Variants in CNN3 observed in about 807,000 individuals in gnomAD.
CNN3 encodes the protein calponin 3, also known as calponin-3.
Under a neutral mutation model 39.0 loss-of-function variants are expected in CNN3, and 11 were observed. The observed-to-expected ratio is 0.28, with a 90% CI of 0.18 to 0.47. The LOEUF is 0.47. CNN3 is among the 20% of genes least tolerant of loss of function. CNN3 has a pLI of 0.99. For synonymous variants in CNN3, 101 were observed against 138.3 expected, an observed-to-expected ratio of 0.73 and a Z score of 1.89; for missense variants, 266 against 403.4, an observed-to-expected ratio of 0.66 and a Z score of 2.92.
In CNN3 at chr1:94,899,353, T is replaced by TA. The variant is rs758953872; in HGVS notation, c.648+17dup. The TA allele has an allele frequency of 4.3e-6, 7 of 1,611,276 alleles. No homozygotes were observed. The African/African-American group carries it at 9.4e-5, about 22-fold the overall frequency. On this transcript the variant is annotated intron_variant, in intron 6 of 6. Coordinates refer to ENST00000370206, the MANE Select transcript of CNN3 (RefSeq NM_001839.5). Reference sequence around the variant, plus strand: ...AGGTAAGTGTACTCTTGTACACGTATAAAAAGGTATTGCTTACCTGGCTGG... The same window carrying TA: ...AGGTAAGTGTACTCTTGTACACGTATAAAAAAGGTATTGCTTACCTGGCTGG...
rs1671606292 is a variant in CNN3 at position 94,927,008 on chromosome 1, TCTGGGAGGCG to T, written c.-124_-115del. On this transcript the variant is annotated 5_prime_UTR_variant, in exon 1 of 7. Coordinates refer to ENST00000370206, the MANE Select transcript of CNN3 (RefSeq NM_001839.5). ...CGCGGGGGATGCTCGAACTCCCTCC[TCTGGGAGGCG>T]CAGGAGACGGCCGCGGGGCGCGGGC... 1 of 1,193,824 alleles carries T rather than the reference TCTGGGAGGCG, an allele frequency of 8.4e-7. No individual in the cohort carries two copies. The highest frequency in any genetic ancestry group is 1.4e-5 in the South Asian group (1 of 69,246). The allele number at this position is 1,193,824 out of a possible 1,614,324, so 74.0% of individuals were successfully genotyped here. A position where few individuals can be genotyped will look rare whatever the true frequency, so the allele number is the denominator to read the frequency against.
intron 1 of CNN3, among the ~76,000 whole-genome samples, chr1:94,912,036 A>G (rs1408820965): frequency 6.6e-6 from 1 of 152,126 alleles, no homozygotes; most frequent in Non-Finnish European, 1.5e-5. Flanking sequence ...ATTGCACTCC[A>G]GCTTGGGCAA....
chr1:94,924,655 G>A (rs1671534600), intron 1 of CNN3, among the ~76,000 whole-genome samples: 1 of 152,124 alleles, frequency 6.6e-6, no homozygotes, highest in African/African-American at 2.4e-5. Context: ...GGGGGAAGGC[G>A]ACAGACAGCA....
At chr1:94,907,733 G>A (rs1465148686) in intron 1 of CNN3, among the ~76,000 whole-genome samples, 15 of 152,248 alleles carry the variant, frequency 9.9e-5, no homozygotes, top group African/African-American at 2.6e-4. Context: ...GGTGGCGGGC[G>A]CCTGTAGTCC....
rs1474533893 is a variant in CNN3 at position 94,897,560 on chromosome 1, A to G, written c.*182T>C. On this transcript the variant is annotated 3_prime_UTR_variant, in exon 7 of 7. Coordinates refer to ENST00000370206, the MANE Select transcript of CNN3 (RefSeq NM_001839.5). ...GTAGGATTTAACTATTACAGCACTA[A>G]AAGGCAACTATTGAGGGAAGAGGCA... 1 of 587,188 alleles carries G rather than the reference A, an allele frequency of 1.7e-6. No homozygotes were observed. Among genetic ancestry groups the G allele is most frequent in the Non-Finnish European group, 3.0e-6 (1 of 333,524 alleles). 36.4% of individuals were successfully genotyped at this position (587,188 alleles called of 1,614,324 possible). A position where few individuals can be genotyped will look rare whatever the true frequency, so the allele number is the denominator to read the frequency against.
intron 1 of CNN3, among the ~76,000 whole-genome samples, chr1:94,903,899 G>T (rs192979648): frequency 4.6e-4 from 70 of 152,252 alleles, no homozygotes; most frequent in African/African-American, 1.5e-3. Flanking sequence ...AAAAGCTGGG[G>T]AAAGGATTCT....
At chr1:94,909,919 CAAG>C (rs1206596361) in intron 1 of CNN3, among the ~76,000 whole-genome samples, 1 of 152,176 alleles carries the variant, frequency 6.6e-6, no homozygotes, top group African/African-American at 2.4e-5. Context: ...CATTCATGTA[CAAG>C]AACTGTCTGA....
intron 1 of CNN3, among the ~76,000 whole-genome samples, chr1:94,904,758 C>T (rs1670953575): frequency 7.5e-6 from 1 of 133,334 alleles, no homozygotes; most frequent in Non-Finnish European, 1.5e-5. Context: ...CGCCCCACTG[C>T]CAAAAAAAAA....
At chr1:94,900,667 C>T (rs1046892724) in intron 5 of CNN3, among the ~76,000 whole-genome samples, 9 of 152,132 alleles carry the variant, frequency 5.9e-5, no homozygotes, top group African/African-American at 1.9e-4. Flanking sequence ...GAAAGGGGCA[C>T]TGTATCAAGC....
chr1:94,918,665 G>A (rs886680837), intron 1 of CNN3, among the ~76,000 whole-genome samples: 3 of 151,812 alleles, frequency 2.0e-5, no homozygotes, highest in Non-Finnish European at 2.9e-5. Flanking sequence ...AAGCTGAGAC[G>A]GGTGGATCAC....
chr1:94,902,107 A>G lies in CNN3; in HGVS notation c.384+14T>C, dbSNP rs751086421. ...TGGGAATCTGTTAACCAGCCATTAA[A>G]GACATGTACGTACCAGACCTGCTAG... On this transcript the variant is annotated intron_variant, in intron 4 of 6. Coordinates refer to ENST00000370206, the MANE Select transcript of CNN3 (RefSeq NM_001839.5). 1 of 1,603,410 alleles carries G rather than the reference A, an allele frequency of 6.2e-7. No individual in the cohort carries two copies. Among genetic ancestry groups the G allele is most frequent in the Non-Finnish European group, 8.5e-7 (1 of 1,171,464 alleles).
chr1:94,914,046 C>A (rs914187611), intron 1 of CNN3, among the ~76,000 whole-genome samples: 3 of 152,136 alleles, frequency 2.0e-5, no homozygotes, highest in African/African-American at 7.2e-5. Context: ...AGATGTTCCT[C>A]AAGTTTTTGT....
intron 3 of CNN3, 137 bp downstream of exon 3, chr1:94,902,985 A>T: frequency 3.5e-6 from 2 of 577,694 alleles, no homozygotes; most frequent in Non-Finnish European, 5.7e-6. Flanking sequence ...AATTTCTGCT[A>T]CAATGTCTAT....
At chr1:94,921,153 G>A (rs1268391395) in intron 1 of CNN3, among the ~76,000 whole-genome samples, 1 of 152,184 alleles carries the variant, frequency 6.6e-6, no homozygotes, top group Non-Finnish European at 1.5e-5. Context: ...CAGCTCTTTG[G>A]GAGGCCAAGG....
intron 4 of CNN3, 32 bp downstream of exon 4, chr1:94,902,089 C>G: frequency 6.3e-7 from 1 of 1,578,492 alleles, no homozygotes; most frequent in Non-Finnish European, 8.7e-7. Flanking sequence ...TGGTGGGAAT[C>G]TGTTAACCAG....
intron 1 of CNN3, among the ~76,000 whole-genome samples, chr1:94,925,030 T>G (rs1671542196): frequency 6.6e-6 from 1 of 152,218 alleles, no homozygotes; most frequent in African/African-American, 2.4e-5. Flanking sequence ...ATTACAGTGA[T>G]CTAGCCTGTG....
intron 1 of CNN3, among the ~76,000 whole-genome samples, chr1:94,908,846 T>A (rs1008326599): frequency 2.6e-5 from 4 of 151,606 alleles, no homozygotes; most frequent in Non-Finnish European, 4.4e-5. Flanking sequence ...AATAATTTTT[T>A]TAAAAAAATT....
chr1:94,904,796 A>C (rs1670955029), intron 1 of CNN3, among the ~76,000 whole-genome samples: 2 of 152,074 alleles, frequency 1.3e-5, no homozygotes, highest in African/African-American at 4.8e-5. Context: ...GGAAAGATCC[A>C]GTATCATTTG....
chr1:94,910,257 G>A (rs951503317), intron 1 of CNN3, among the ~76,000 whole-genome samples: 10 of 152,054 alleles, frequency 6.6e-5, no homozygotes, highest in Admixed American at 2.6e-4. Flanking sequence ...CCTTCTTTCT[G>A]TCCTTCATCT....
Sources: allele counts gnomAD v4.1 joint callset (sites outside exome capture counted in the v4.1 genomes callset), GRCh38; gene constraint gnomAD v4.1.1; transcripts MANE v1.5; gene names NCBI Gene and HGNC (gene_info 2026-07-23, HGNC 2026-07-21).